Variants in HEATR5B observed in about 807,000 individuals in gnomAD.
HEATR5B encodes HEAT repeat-containing protein 5B.
HEATR5B carries 156 observed loss-of-function variants against 224.1 expected under a neutral mutation model. The observed-to-expected ratio is 0.70, with a 90% CI of 0.61 to 0.80. The LOEUF is 0.80. Among genes scored for constraint, HEATR5B ranks in the 30% least tolerant of loss-of-function variants. HEATR5B has a pLI of 0.00. For synonymous variants in HEATR5B, 1,027 were observed against 893.0 expected, an observed-to-expected ratio of 1.15 and a Z score of -2.68; for missense variants, 2,323 against 2,535.5, an observed-to-expected ratio of 0.92 and a Z score of 1.80.
At chr2:36,996,756 C>G (rs1262646879) in intron 33 of HEATR5B, among the ~76,000 whole-genome samples, 1 of 152,056 alleles carries the variant, frequency 6.6e-6, no homozygotes, top group African/African-American at 2.4e-5. Flanking sequence ...CCACGCCCAG[C>G]TAATTTTGTA....
chr2:37,060,950 CA>C (rs1239267255), intron 11 of HEATR5B, among the ~76,000 whole-genome samples: 2 of 152,056 alleles, frequency 1.3e-5, no homozygotes, highest in Admixed American at 1.3e-4. Flanking sequence ...TAGATCAAAG[CA>C]TAACAAAATT....
At chr2:37,081,887 G>A (rs1231140262) in intron 2 of HEATR5B, among the ~76,000 whole-genome samples, 2 of 101,452 alleles carry the variant, frequency 2.0e-5, no homozygotes, top group Non-Finnish European at 4.2e-5. Flanking sequence ...TATCTTCTGG[G>A]GAATGACTAG....
intron 14 of HEATR5B, among the ~76,000 whole-genome samples, chr2:37,057,687 A>C (rs1210638515): frequency 6.6e-6 from 1 of 152,158 alleles, no homozygotes; most frequent in East Asian, 1.9e-4. Context: ...CTTTTAGCCC[A>C]AATTATTTAA....
chr2:36,990,231 G>T (rs1332381799), intron 34 of HEATR5B, among the ~76,000 whole-genome samples: 4 of 152,064 alleles, frequency 2.6e-5, no homozygotes, highest in Admixed American at 2.6e-4. Context: ...TTTCTGACGT[G>T]TAGCAGGCTT....
At chr2:36,986,828 G>A (rs947715932) in intron 35 of HEATR5B, among the ~76,000 whole-genome samples, 1 of 152,122 alleles carries the variant, frequency 6.6e-6, no homozygotes. Flanking sequence ...TATCGGTCAG[G>A]TTGGTCTCGA....
chr2:37,058,697 T>C (rs2706808), intron 13 of HEATR5B, 137 bp from the exon 14 acceptor site: 45,871 of 703,530 alleles, frequency 0.065, 2,962 homozygotes, highest in African/African-American at 0.27. Flanking sequence ...TTGTGATCTT[T>C]GCTGTAACAA....
rs548981861 is a variant in HEATR5B, at chr2:37,083,515, A to G, written c.-22-79T>C. 3.9e-6 allele frequency: 4 copies of G among 1,029,408 alleles called. No homozygotes were observed. The East Asian group carries it at 1.0e-4, about 26-fold the overall frequency. The allele number at this position is 1,029,408 out of a possible 1,614,324, so 63.8% of individuals were successfully genotyped here. On this transcript the variant is annotated intron_variant, in intron 1 of 35. Coordinates refer to ENST00000233099, the MANE Select transcript of HEATR5B (RefSeq NM_019024.3). ...CAAGCTTAATGGAATATACTCACTA[A>G]GAAAAGTAGGACTACTCATTTCATT...
chr2:37,004,175 C>A (rs1215706074), intron 30 of HEATR5B, among the ~76,000 whole-genome samples: 2 of 151,996 alleles, frequency 1.3e-5, no homozygotes, highest in Non-Finnish European at 2.9e-5. Flanking sequence ...ATCCAATGAA[C>A]CTAAATGAAA....
intron 21 of HEATR5B, among the ~76,000 whole-genome samples, chr2:37,037,464 A>C (rs376128166): frequency 6.6e-5 from 10 of 152,018 alleles, no homozygotes; most frequent in African/African-American, 2.2e-4. Context: ...TATTCTTAGC[A>C]AGGAAATAAA....
intron 22 of HEATR5B, among the ~76,000 whole-genome samples, chr2:37,030,848 G>C (rs1004480232): frequency 6.6e-6 from 1 of 152,226 alleles, no homozygotes; most frequent in Non-Finnish European, 1.5e-5. Flanking sequence ...ACCTTAGTAA[G>C]ACTTAATTGC....
intron 24 of HEATR5B, among the ~76,000 whole-genome samples, chr2:37,024,220 A>G (rs1303864268): frequency 6.6e-6 from 1 of 152,252 alleles, no homozygotes; most frequent in East Asian, 1.9e-4. Flanking sequence ...AGTAGAGAGT[A>G]GAATGGCGGT....
At position 37,025,511 on chromosome 2, in the gene HEATR5B, G is replaced by A. The variant is rs1186296645; in HGVS notation, c.3853+2412C>T. On this transcript the variant is annotated intron_variant, in intron 24 of 35. Transcript: ENST00000233099. ...TCCTCGATAGGATGAAAAGAATCCT[G>A]GCTGCTATGGTATAAAAACAGAAAA... 3.3e-5 allele frequency among the ~76,000 whole-genome samples: 5 copies of A among 149,794 alleles called. No homozygotes were observed. The Admixed American group carries it at 3.4e-4, about 10-fold the overall frequency.
At position 37,060,729 on chromosome 2, in the gene HEATR5B, T is replaced by C; in HGVS notation, c.1701A>G (p.Pro567=). The C allele has an allele frequency of 6.2e-7, 1 of 1,612,956 alleles. No homozygotes were observed. Among genetic ancestry groups the C allele is most frequent in the Non-Finnish European group, 8.5e-7 (1 of 1,179,350 alleles). ...TGGGCAGATGGTAACGAACGACAGATGGTCCTAGCCAAGAAAATGAGAATA... is the reference window on the plus strand; with the variant it reads ...TGGGCAGATGGTAACGAACGACAGACGGTCCTAGCCAAGAAAATGAGAATA... ...LLLGALMTLG[P]SVVRYHLPKM... The change falls in exon 12 of 36, where the codon CCA becomes CCG. Residue 567 remains proline, a synonymous_variant. Coordinates refer to ENST00000233099, the MANE Select transcript of HEATR5B (RefSeq NM_019024.3).
Position 36,981,447 on chromosome 2 carries a change from G to A in HEATR5B, c.*43C>T. The A allele has an allele frequency of 6.8e-7, 1 of 1,476,914 alleles. No individual in the cohort carries two copies. Among genetic ancestry groups the A allele is most frequent in the South Asian group, 1.3e-5 (1 of 78,174 alleles). 91.5% of individuals were successfully genotyped at this position (1,476,914 alleles called of 1,614,324 possible). Reference sequence around the variant, plus strand: ...ATGATACAGTGGCCATCACTAATTAGGGGCTAGTTGACAACATAAATACAA... The same window carrying A: ...ATGATACAGTGGCCATCACTAATTAAGGGCTAGTTGACAACATAAATACAA... On this transcript the variant is annotated 3_prime_UTR_variant, in exon 36 of 36. Coordinates refer to ENST00000233099, the MANE Select transcript of HEATR5B (RefSeq NM_019024.3).
intron 22 of HEATR5B, 124 bp downstream of exon 22, chr2:37,032,505 T>G: frequency 2.3e-6 from 2 of 869,252 alleles, no homozygotes; most frequent in Non-Finnish European, 3.5e-6. Flanking sequence ...TGGTAATGGT[T>G]TTATTTCAAA....
At position 37,020,696 on chromosome 2, in the gene HEATR5B, C is replaced by A. The variant is rs1558741208; in HGVS notation, c.3994G>T (p.Glu1332Ter). 1 of 1,594,140 alleles carries A rather than the reference C, an allele frequency of 6.3e-7. No individual in the cohort carries two copies. Reference sequence around the variant, plus strand: ...TCCAGTATCACATGACCTGGAAATTCTGGCTCAGGCACAGACGCAAACTTC... The same window carrying A: ...TCCAGTATCACATGACCTGGAAATTATGGCTCAGGCACAGACGCAAACTTC... ...IKKFASVPEP[E>*]FPGHVILEQY... Residue 1332 changes from glutamate to a stop codon, truncating the protein, a stop_gained, in exon 25 of 36, where the codon GAA (glutamate) becomes TAA (stop). Transcript: ENST00000233099. LOFTEE classifies it high-confidence loss of function.
intron 1 of HEATR5B, 86 bp from the exon 2 acceptor site, chr2:37,083,522 T>C: frequency 3.2e-6 from 3 of 942,946 alleles, no homozygotes; most frequent in South Asian, 1.7e-5. Flanking sequence ...CTAAGAAAAG[T>C]AGGACTACTC....
Position 37,084,354 on chromosome 2 carries a change from T to A in HEATR5B, c.-108A>T, listed in dbSNP as rs562930976. The A allele has an allele frequency of 1.7e-5, 8 of 480,132 alleles. No individual in the cohort carries two copies. In the East Asian group the frequency reaches 2.8e-4, roughly 17 times the overall value. The allele number at this position is 480,132 out of a possible 1,614,324, so 29.7% of individuals were successfully genotyped here. ...CCGGATGCCCCACCTCCCGCACTCC[T>A]ACCTGCAGGAAACAAGGGAAGAGCG... On this transcript the variant is annotated 5_prime_UTR_variant, in exon 1 of 36. Transcript: ENST00000233099.
intron 27 of HEATR5B, among the ~76,000 whole-genome samples, chr2:37,009,839 A>G (rs1667680500): frequency 6.7e-6 from 1 of 149,078 alleles, no homozygotes; most frequent in South Asian, 2.1e-4. Context: ...ACCTTCCTAG[A>G]CTTATTAGAC....
Sources: gnomAD v4.1 joint callset for allele counts (sites outside exome capture counted in the v4.1 genomes callset) on GRCh38, gnomAD v4.1.1 for gene constraint, MANE v1.5 for transcripts, NCBI Gene and HGNC (gene_info 2026-07-23, HGNC 2026-07-21) for gene names.